Variants in NKAIN2 observed in about 807,000 individuals in gnomAD.
NKAIN2 encodes the protein sodium/potassium-transporting ATPase subunit beta-1-interacting protein 2.
Under a neutral mutation model 32.6 loss-of-function variants are expected in NKAIN2, and 14 were observed. That is an observed-to-expected ratio of 0.43 (90% confidence interval 0.28 to 0.67). NKAIN2 has a LOEUF of 0.67. Among genes scored for constraint, NKAIN2 ranks in the 30% least tolerant of loss-of-function variants. The pLI is 0.17. For missense variants in NKAIN2, 198 were observed against 258.3 expected (o/e 0.77, Z 1.60); for synonymous variants, 80 against 87.2 (o/e 0.92, Z 0.46).
chr6:123,960,937 A>G (rs1777814534), intron 1 of NKAIN2, among the ~76,000 whole-genome samples: 1 of 152,042 alleles, frequency 6.6e-6, no homozygotes, highest in South Asian at 2.1e-4. Flanking sequence ...GCAGACGGAA[A>G]TATGTCTTCC....
intron 2 of NKAIN2, among the ~76,000 whole-genome samples, chr6:124,336,798 C>T (rs1423668873): frequency 6.6e-6 from 1 of 151,752 alleles, no homozygotes; most frequent in Non-Finnish European, 1.5e-5. Context: ...TTCAGCCTCC[C>T]AAGTAGCTGG....
chr6:123,948,597 ATTTTTTTTTTTTTTTTT>A (rs71021472), intron 1 of NKAIN2, among the ~76,000 whole-genome samples: 5 of 49,280 alleles, frequency 1.0e-4, no homozygotes, highest in Non-Finnish European at 1.6e-4. Flanking sequence ...CTTAAATGGG[ATTTTTTTTTTTTTTTTT>A]TTTTTTTTTT....
At chr6:124,141,682 T>C (rs564729747) in intron 1 of NKAIN2, among the ~76,000 whole-genome samples, 1 of 152,156 alleles carries the variant, frequency 6.6e-6, no homozygotes, top group Non-Finnish European at 1.5e-5. Context: ...TGATTCTTGG[T>C]AATCTTCTCT....
chr6:124,548,762 A>C lies in NKAIN2; in HGVS notation c.274-109424A>C, dbSNP rs148844214. On this transcript the variant is annotated intron_variant, in intron 3 of 6. Transcript: ENST00000368417. ...AGGAGATGGGGAAGGAGCACACAGT[A>C]AATCACATAGAAAATCAGGAATGTG... Among the ~76,000 whole-genome samples, 44 of 152,336 alleles carry C rather than the reference A, an allele frequency of 2.9e-4. No individual in the cohort carries two copies. In the East Asian group the frequency reaches 5.0e-3, roughly 17 times the overall value.
At chr6:124,050,603 ACTTAC>A (rs1582537430) in intron 1 of NKAIN2, among the ~76,000 whole-genome samples, 3 of 151,948 alleles carry the variant, frequency 2.0e-5, no homozygotes, top group South Asian at 2.1e-4. Context: ...ATATATCCCG[ACTTAC>A]CCCAATCCAT....
chr6:124,516,428 C>G (rs1219711917), intron 3 of NKAIN2, among the ~76,000 whole-genome samples: 1 of 151,972 alleles, frequency 6.6e-6, no homozygotes, highest in Non-Finnish European at 1.5e-5. Context: ...ACGCTTTCTC[C>G]TAAATCGAGA....
intron 1 of NKAIN2, among the ~76,000 whole-genome samples, chr6:124,151,828 T>A (rs1445988611): frequency 6.6e-6 from 1 of 151,976 alleles, no homozygotes; most frequent in Non-Finnish European, 1.5e-5. Context: ...ATTTACTAAC[T>A]TTTTAAATAA....
chr6:124,803,691 G>A (rs552765442), intron 5 of NKAIN2, among the ~76,000 whole-genome samples: 4 of 152,190 alleles, frequency 2.6e-5, no homozygotes, highest in African/African-American at 4.8e-5. Flanking sequence ...TTCAGCTTCC[G>A]TGGATGTCTT....
chr6:124,019,003 T>C (rs950951181), intron 1 of NKAIN2, among the ~76,000 whole-genome samples: 1 of 152,138 alleles, frequency 6.6e-6, no homozygotes, highest in African/African-American at 2.4e-5. Flanking sequence ...CTCACAGTCA[T>C]GGCAGAAGGT....
chr6:124,781,225 A>G (rs980299697), intron 4 of NKAIN2, among the ~76,000 whole-genome samples: 1 of 152,190 alleles, frequency 6.6e-6, no homozygotes, highest in African/African-American at 2.4e-5. Flanking sequence ...TTTAGGGTCC[A>G]TAGGCATGAA....
At chr6:124,156,450 G>A (rs802264) in intron 1 of NKAIN2, among the ~76,000 whole-genome samples, 119,178 of 152,026 alleles carry the variant, frequency 0.78, 48,201 homozygotes, top group Non-Finnish European at 0.88. Context: ...ATCTGAAGCA[G>A]GAGGAGTCAG....
intron 1 of NKAIN2, among the ~76,000 whole-genome samples, chr6:123,871,985 A>G (rs1009162029): frequency 5.3e-5 from 8 of 152,092 alleles, no homozygotes; most frequent in Non-Finnish European, 1.2e-4. Context: ...TAGATTTTTC[A>G]TTTATTGACA....
chr6:124,805,107 T>A (rs1440024895), intron 5 of NKAIN2, among the ~76,000 whole-genome samples: 1 of 152,164 alleles, frequency 6.6e-6, no homozygotes, highest in Non-Finnish European at 1.5e-5. Context: ...CAGACTTAAA[T>A]GTCCCTGTCT....
chr6:124,812,116 C>G (rs1780929982), intron 5 of NKAIN2, among the ~76,000 whole-genome samples: 1 of 152,150 alleles, frequency 6.6e-6, no homozygotes, highest in South Asian at 2.1e-4. Flanking sequence ...AAATGCATGT[C>G]CTAACCTCTT....
At chr6:124,569,324 A>C (rs568381606) in intron 3 of NKAIN2, among the ~76,000 whole-genome samples, 2 of 152,164 alleles carry the variant, frequency 1.3e-5, no homozygotes, top group South Asian at 2.1e-4. Context: ...AACCAGAAGA[A>C]AGTTCTTACT....
intron 3 of NKAIN2, among the ~76,000 whole-genome samples, chr6:124,558,498 G>A (rs1456732290): frequency 6.6e-6 from 1 of 152,054 alleles, no homozygotes; most frequent in Non-Finnish European, 1.5e-5. Context: ...GGTTTACTTT[G>A]ATTGTAATTT....
chr6:123,963,761 C>T (rs571657126), intron 1 of NKAIN2, among the ~76,000 whole-genome samples: 17 of 152,134 alleles, frequency 1.1e-4, no homozygotes, highest in African/African-American at 2.2e-4. Context: ...GTCTGAAGTC[C>T]GAGAACACAC....
At chr6:124,581,019 A>C (rs1260847438) in intron 3 of NKAIN2, among the ~76,000 whole-genome samples, 1 of 152,226 alleles carries the variant, frequency 6.6e-6, no homozygotes, top group East Asian at 1.9e-4. Context: ...ACAACACTGG[A>C]GCACCCACAT....
At chr6:124,557,046 C>T (rs1780501121) in intron 3 of NKAIN2, among the ~76,000 whole-genome samples, 2 of 152,142 alleles carry the variant, frequency 1.3e-5, no homozygotes, top group Admixed American at 1.3e-4. Context: ...CTTTGATAAA[C>T]ACCAGAACAA....
Sources: allele counts gnomAD v4.1 joint callset (sites outside exome capture counted in the v4.1 genomes callset), GRCh38; gene constraint gnomAD v4.1.1; transcripts MANE v1.5; gene names NCBI Gene and HGNC (gene_info 2026-07-23, HGNC 2026-07-21).